The following GPC5 variants were observed in gnomAD, a reference collection of about 807,000 sequenced individuals.
GPC5 encodes the protein glypican-5.
Under a neutral mutation model 53.9 loss-of-function variants are expected in GPC5, and 47 were observed. That is an observed-to-expected ratio of 0.87 (90% CI 0.69 to 1.11). GPC5 has a LOEUF of 1.11. GPC5 is among the 50% of genes most tolerant of loss of function. The pLI is 0.00. For synonymous variants in GPC5, 286 were observed against 263.3 expected, an observed-to-expected ratio of 1.09 and a Z score of -0.84; for missense variants, 748 against 713.1, an observed-to-expected ratio of 1.05 and a Z score of -0.56.
chr13:92,497,427 T>C (rs1008693843), intron 7 of GPC5, among the ~76,000 whole-genome samples: 4 of 152,194 alleles, frequency 2.6e-5, no homozygotes, highest in African/African-American at 9.7e-5. Context: ...TGTGTGGTGT[T>C]ATTTCTGAGG....
At chr13:92,017,612 A>G (rs2040718307) in intron 6 of GPC5, among the ~76,000 whole-genome samples, 1 of 152,178 alleles carries the variant, frequency 6.6e-6, no homozygotes, top group Non-Finnish European at 1.5e-5. Flanking sequence ...CTTCTGTATT[A>G]AAAAGAAAAT....
At chr13:91,513,656 A>G (rs1885349798) in intron 2 of GPC5, among the ~76,000 whole-genome samples, 1 of 152,090 alleles carries the variant, frequency 6.6e-6, no homozygotes, top group South Asian at 2.1e-4. Context: ...CAGGAGAATC[A>G]CTTGAACCCC....
intron 5 of GPC5, among the ~76,000 whole-genome samples, chr13:91,857,482 T>C (rs1369925736): frequency 1.3e-5 from 2 of 151,418 alleles, no homozygotes; most frequent in African/African-American, 2.4e-5. Context: ...AGAAATATAA[T>C]TTATTTTCAC....
intron 1 of GPC5, among the ~76,000 whole-genome samples, chr13:91,410,026 A>T (rs560848449): frequency 6.6e-6 from 1 of 152,356 alleles, no homozygotes; most frequent in South Asian, 2.1e-4. Context: ...ATTTTAGTGA[A>T]TAATGTGAAT....
chr13:92,047,783 A>G (rs1260721669), intron 6 of GPC5, among the ~76,000 whole-genome samples: 1 of 148,512 alleles, frequency 6.7e-6, no homozygotes, highest in African/African-American at 2.5e-5. Flanking sequence ...ATCCTGGCTA[A>G]CATGGTGAAA....
Position 92,360,775 on chromosome 13 carries a change from C to T in GPC5, c.1561+215786C>T, listed in dbSNP as rs114621379. Among the ~76,000 whole-genome samples, 479 of 151,878 alleles carry T rather than the reference C, an allele frequency of 3.2e-3. 22 individuals carry two copies. The highest frequency in any genetic ancestry group is 0.011 in the African/African-American group (449 of 41,140). ...TACTTCAGCTCATAAACAACTTCAGCGAAGTTTCAGGATACAAAATCATTT... is the reference window on the plus strand; with the variant it reads ...TACTTCAGCTCATAAACAACTTCAGTGAAGTTTCAGGATACAAAATCATTT... On this transcript the variant is annotated intron_variant, in intron 7 of 7. Coordinates refer to ENST00000377067, the MANE Select transcript of GPC5 (RefSeq NM_004466.6).
chr13:92,123,151 C>G (rs1214316712), intron 6 of GPC5, among the ~76,000 whole-genome samples: 1 of 151,922 alleles, frequency 6.6e-6, no homozygotes, highest in African/African-American at 2.4e-5. Flanking sequence ...TGCTTGTAAT[C>G]CTAGCACTTT....
chr13:91,704,034 C>T (rs574698343), intron 3 of GPC5, among the ~76,000 whole-genome samples: 3 of 152,126 alleles, frequency 2.0e-5, no homozygotes, highest in South Asian at 2.1e-4. Flanking sequence ...ATTAATGTTT[C>T]CTTATTGATT....
chr13:92,485,655 C>T (rs1879524740), intron 7 of GPC5, among the ~76,000 whole-genome samples: 1 of 152,164 alleles, frequency 6.6e-6, no homozygotes. Context: ...TACAGCCCTA[C>T]CTTACAGCAG....
intron 2 of GPC5, among the ~76,000 whole-genome samples, chr13:91,472,568 A>G (rs935050033): frequency 2.6e-4 from 39 of 152,262 alleles, no homozygotes; most frequent in African/African-American, 9.4e-4. Flanking sequence ...CAAACTAGGA[A>G]GAAAAATTTT....
intron 7 of GPC5, among the ~76,000 whole-genome samples, chr13:92,839,410 C>T (rs1878342563): frequency 6.6e-6 from 1 of 152,072 alleles, no homozygotes; most frequent in South Asian, 2.1e-4. Flanking sequence ...AGGTATTAAG[C>T]CTAGTATCCA....
At chr13:91,872,801 TA>T (rs2039162193) in intron 5 of GPC5, among the ~76,000 whole-genome samples, 1 of 152,186 alleles carries the variant, frequency 6.6e-6, no homozygotes, top group African/African-American at 2.4e-5. Flanking sequence ...ATATATGCAG[TA>T]CAGAAAATGA....
intron 7 of GPC5, among the ~76,000 whole-genome samples, chr13:92,363,474 A>G (rs923180479): frequency 1.3e-5 from 2 of 151,700 alleles, no homozygotes; most frequent in African/African-American, 2.4e-5. Context: ...CATAAGGAGT[A>G]CACAACCTAG....
rs1257275574 is a variant in GPC5, at chr13:91,398,683, CGGCAGT to C, written c.-360_-355del. 4.1e-5 allele frequency: 9 copies of C among 221,950 alleles called. 1 individual carries two copies. Among genetic ancestry groups the C allele is most frequent in the Non-Finnish European group, 6.0e-5 (7 of 116,300 alleles). 13.7% of individuals were successfully genotyped at this position (221,950 alleles called of 1,614,324 possible). On this transcript the variant is annotated 5_prime_UTR_variant, in exon 1 of 8. Transcript: ENST00000377067. ...GAGGCGGCGGCGGCGGCGGCAGTGG[CGGCAGT>C]GGCGGCAGTGGCGGCAGCGGCAGCA... is the stretch of plus-strand genomic sequence containing the variant.
intron 7 of GPC5, among the ~76,000 whole-genome samples, chr13:92,796,804 T>G (rs1175842844): frequency 6.6e-6 from 1 of 152,008 alleles, no homozygotes; most frequent in Non-Finnish European, 1.5e-5. Flanking sequence ...CACTACAACG[T>G]ATTTTAAATA....
At chr13:91,744,387 A>C (rs2037002444) in intron 4 of GPC5, among the ~76,000 whole-genome samples, 2 of 152,178 alleles carry the variant, frequency 1.3e-5, no homozygotes, top group South Asian at 4.1e-4. Context: ...ATTGAAGACT[A>C]AAATAGCTTA....
At chr13:92,825,072 C>G (rs1419488434) in intron 7 of GPC5, among the ~76,000 whole-genome samples, 1 of 152,032 alleles carries the variant, frequency 6.6e-6, no homozygotes, top group East Asian at 1.9e-4. Context: ...TAAAAAGTCT[C>G]CGGGAAAGGG....
chr13:92,308,438 T>C (rs751576512), intron 7 of GPC5, among the ~76,000 whole-genome samples: 3 of 152,168 alleles, frequency 2.0e-5, no homozygotes, highest in Non-Finnish European at 2.9e-5. Flanking sequence ...CTTCAACATC[T>C]ACGAGTTTAT....
chr13:92,602,641 T>C (rs888299733), intron 7 of GPC5, among the ~76,000 whole-genome samples: 2 of 152,096 alleles, frequency 1.3e-5, no homozygotes, highest in Admixed American at 6.5e-5. Context: ...AGGCCAAAAA[T>C]GAAAGACGGT....
Sources: allele counts gnomAD v4.1 joint callset (sites outside exome capture counted in the v4.1 genomes callset), GRCh38; gene constraint gnomAD v4.1.1; transcripts MANE v1.5; gene names NCBI Gene and HGNC (gene_info 2026-07-23, HGNC 2026-07-21).